CACNG8: variants seen among roughly 807,000 people sequenced by gnomAD.
CACNG8 encodes calcium voltage-gated channel auxiliary subunit gamma 8.
In CACNG8, 5 loss-of-function variants were observed where a neutral mutation model predicts 26.9. That is an observed-to-expected ratio of 0.19 (90% confidence interval 0.10 to 0.39). The LOEUF is 0.39. CACNG8 is among the 10% of genes least tolerant of loss of function. The pLI is 1.00. For synonymous variants in CACNG8, 321 were observed against 296.7 expected (o/e 1.08, Z -0.84); for missense variants, 473 against 609.4 (o/e 0.78, Z 2.36).
At chr19:53,980,060 G>GTA in intron 3 of CACNG8, 53 bp downstream of exon 3, 1 of 598,694 alleles carries the variant, frequency 1.7e-6, no homozygotes, top group Non-Finnish European at 2.3e-6. Context: ...GCGCGCACGT[G>GTA]TGTGTGTGTG....
At chr19:53,973,358 C>T (rs904182363) in intron 1 of CACNG8, among the ~76,000 whole-genome samples, 3 of 151,936 alleles carry the variant, frequency 2.0e-5, no homozygotes, top group African/African-American at 7.3e-5. Flanking sequence ...CCCATCTCTA[C>T]TTAACATACA....
In CACNG8 at chr19:53,982,186, C is replaced by T. The variant is rs200934814; in HGVS notation, c.615C>T (p.Ser205=). ...AAAACCACTACTCGTACGGCTGGTCCTTCTACTTCGGCGGGCTGTCGTTCA... is the reference window on the plus strand; with the variant it reads ...AAAACCACTACTCGTACGGCTGGTCTTTCTACTTCGGCGGGCTGTCGTTCA... The change falls in exon 4 of 4, where the codon TCC becomes TCT. Residue 205 remains serine, a synonymous_variant. Coordinates refer to ENST00000270458, the MANE Select transcript of CACNG8 (RefSeq NM_031895.6). This position sits in a 1 kb window ranked among gnomAD's most constrained non-coding sequence, Gnocchi z 8.4. 3.9e-5 allele frequency: 63 copies of T among 1,613,308 alleles called. No individual in the cohort carries two copies. The highest frequency in any genetic ancestry group is 2.7e-4 in the Admixed American group (16 of 59,964).
chr19:53,982,128 GCGAGCCGGGCCCGAAGCGGGA>G lies in CACNG8; in HGVS notation c.562_582del (p.Pro188_Glu194del). On this transcript the variant is annotated inframe_deletion, in exon 4 of 4. Coordinates refer to ENST00000270458, the MANE Select transcript of CACNG8 (RefSeq NM_031895.6). The surrounding 1 kb of genome is among the most constrained non-coding windows in gnomAD (Gnocchi z 8.4). ...ATCGTGTACATCTCCGCCAACGCGG[GCGAGCCGGGCCCGAAGCGGGA>G]CGAGGAGAAGAAAAACCACTACTCG... 1 of 1,609,444 alleles carries G rather than the reference GCGAGCCGGGCCCGAAGCGGGA, an allele frequency of 6.2e-7. No homozygotes were observed. The highest frequency in any genetic ancestry group is 2.2e-5 in the East Asian group (1 of 44,626).
chr19:53,981,018 C>T (rs189068801), intron 3 of CACNG8, among the ~76,000 whole-genome samples: 1 of 151,882 alleles, frequency 6.6e-6, no homozygotes, highest in African/African-American at 2.4e-5. Flanking sequence ...CCGGCAAGGA[C>T]CCTGGCCAAG....
chr19:53,964,329 C>A (rs888404803), intron 1 of CACNG8, among the ~76,000 whole-genome samples: 1 of 151,750 alleles, frequency 6.6e-6, no homozygotes, highest in African/African-American at 2.4e-5. Flanking sequence ...TGCCTTAACT[C>A]GCCCTCACTC....
Position 53,985,077 on chromosome 19 carries a change from G to C in CACNG8, c.*2228G>C, listed in dbSNP as rs2069398862. ...TGCGGTGATTGGAGGGGATGGGTTTGAAGTTCACTGAGAAGGCAGAGGGGA... is the reference window on the plus strand; with the variant it reads ...TGCGGTGATTGGAGGGGATGGGTTTCAAGTTCACTGAGAAGGCAGAGGGGA... On this transcript the variant is annotated 3_prime_UTR_variant, in exon 4 of 4. Transcript: ENST00000270458. The C allele has an allele frequency of 6.6e-6, 1 of 152,404 alleles. No individual in the cohort carries two copies. Among genetic ancestry groups the C allele is most frequent in the Non-Finnish European group, 1.5e-5 (1 of 68,148 alleles). 9.4% of individuals were successfully genotyped at this position (152,404 alleles called of 1,614,324 possible).
At chr19:53,967,575 C>A (rs2069278604) in intron 1 of CACNG8, among the ~76,000 whole-genome samples, 2 of 152,222 alleles carry the variant, frequency 1.3e-5, no homozygotes, top group African/African-American at 2.4e-5. Flanking sequence ...TGGCTCACAC[C>A]TGTAATCCCA....
Position 53,982,956 on chromosome 19 carries a change from T to G in CACNG8, c.*107T>G. The G allele has an allele frequency of 7.5e-6, 5 of 669,820 alleles. No homozygotes were observed. Among genetic ancestry groups the G allele is most frequent in the Non-Finnish European group, 5.9e-6 (3 of 505,958 alleles). The allele number at this position is 669,820 out of a possible 1,614,324, so 41.5% of individuals were successfully genotyped here. On this transcript the variant is annotated 3_prime_UTR_variant, in exon 4 of 4. Coordinates refer to ENST00000270458, the MANE Select transcript of CACNG8 (RefSeq NM_031895.6). This position sits in a 1 kb window ranked among gnomAD's most constrained non-coding sequence, Gnocchi z 8.4. ...CCCCCGCTTTCCCCCGTGAGCGCGC[T>G]GGAGACTGCTGGGCCCGCCCCACGC...
rs1205560840 is a variant in CACNG8, at chr19:53,989,568, G to T, written c.*6719G>T. ...GGCCCTGCAATCTCAGGCCACTTCT[G>T]TCCCATCTCTGCCTTCAGAGGGGGG... On this transcript the variant is annotated 3_prime_UTR_variant, in exon 4 of 4. Transcript: ENST00000270458. 6.6e-6 allele frequency: 1 copy of T among 152,268 alleles called. No homozygotes were observed. Among genetic ancestry groups the T allele is most frequent in the Non-Finnish European group, 1.5e-5 (1 of 68,040 alleles). 9.4% of individuals were successfully genotyped at this position (152,268 alleles called of 1,614,324 possible). A position where few individuals can be genotyped will look rare whatever the true frequency, so the allele number is the denominator to read the frequency against.
In CACNG8 at chr19:53,990,063, C is replaced by CTA. The variant is rs952558172; in HGVS notation, c.*7214_*7215insTA. 2.0e-5 allele frequency: 3 copies of CTA among 152,738 alleles called. No individual in the cohort carries two copies. The highest frequency in any genetic ancestry group is 7.2e-5 in the African/African-American group (3 of 41,462). 9.5% of individuals were successfully genotyped at this position (152,738 alleles called of 1,614,324 possible). On this transcript the variant is annotated 3_prime_UTR_variant, in exon 4 of 4. Transcript: ENST00000270458. Reference sequence around the variant, plus strand: ...GAAAGGTGGGTCCCACCTGGGCCGTCCACAGAAGGGCTGAGGGGTAGGGGG... The same window carrying CTA: ...GAAAGGTGGGTCCCACCTGGGCCGTCTACACAGAAGGGCTGAGGGGTAGGGGG...
In CACNG8 at chr19:53,987,069, CTTAT is replaced by C. The variant is rs1474173057; in HGVS notation, c.*4225_*4228del. ...CATGCCATGATCATATTTTTATTTT[CTTAT>C]TTATATTTATTTTGAAAAAGAGTCT... On this transcript the variant is annotated 3_prime_UTR_variant, in exon 4 of 4. Coordinates refer to ENST00000270458, the MANE Select transcript of CACNG8 (RefSeq NM_031895.6). The C allele has an allele frequency of 6.6e-6, 1 of 152,064 alleles. No individual in the cohort carries two copies. Among genetic ancestry groups the C allele is most frequent in the Non-Finnish European group, 1.5e-5 (1 of 68,004 alleles). 9.4% of individuals were successfully genotyped at this position (152,064 alleles called of 1,614,324 possible). A position where few individuals can be genotyped will look rare whatever the true frequency, so the allele number is the denominator to read the frequency against.
chr19:53,974,071 G>A (rs181992355), intron 1 of CACNG8, among the ~76,000 whole-genome samples: 57 of 152,048 alleles, frequency 3.7e-4, no homozygotes, highest in African/African-American at 1.3e-3. Flanking sequence ...AACTCTTTTC[G>A]TCTTGCAAAA....
At chr19:53,964,377 T>G (rs2069260868) in intron 1 of CACNG8, among the ~76,000 whole-genome samples, 1 of 152,078 alleles carries the variant, frequency 6.6e-6, no homozygotes, top group South Asian at 2.1e-4. Context: ...CTTCTCCTCC[T>G]GTTCATCTTT....
rs2069353942 is a variant in CACNG8 at position 53,979,909 on chromosome 19, T to C, written c.410T>C (p.Ile137Thr). 6.2e-7 allele frequency: 1 copy of C among 1,610,704 alleles called. No homozygotes were observed. The highest frequency in any genetic ancestry group is 8.5e-7 in the Non-Finnish European group (1 of 1,178,274). Residue 137 changes from isoleucine (I) to threonine (T), a missense_variant, in exon 3 of 4, where the codon ATC (isoleucine) becomes ACC (threonine). By Grantham distance (89) the Ile-to-Thr change is moderately conservative. This residue lies in a region of CACNG8 where 155 missense variants were observed against 253.0 expected (regional missense o/e 0.61). Coordinates refer to ENST00000270458, the MANE Select transcript of CACNG8 (RefSeq NM_031895.6). Reference sequence around the variant, plus strand: ...AGCATCTTCCCCATCCTTAGCGCCATCCTGCTGCTGCTCGGGGGTGTGTGC... The same window carrying C: ...AGCATCTTCCCCATCCTTAGCGCCACCCTGCTGCTGCTCGGGGGTGTGTGC...
chr19:53,980,773 C>T (rs1339525414), intron 3 of CACNG8, among the ~76,000 whole-genome samples: 1 of 152,184 alleles, frequency 6.6e-6, no homozygotes, highest in African/African-American at 2.4e-5. Context: ...AGGACTGGAA[C>T]ACTTAAGAGG....
chr19:53,974,508 T>C (rs533494394), intron 1 of CACNG8, among the ~76,000 whole-genome samples: 1 of 152,326 alleles, frequency 6.6e-6, no homozygotes, highest in Admixed American at 6.5e-5. Context: ...ATGATTCTAT[T>C]TGTAGTTTTT....
chr19:53,964,021 A>C (rs1414339144), intron 1 of CACNG8, among the ~76,000 whole-genome samples: 1 of 151,652 alleles, frequency 6.6e-6, no homozygotes, highest in Non-Finnish European at 1.5e-5. Context: ...GCTGGTCTCG[A>C]GCTCCTGAGC....
intron 2 of CACNG8, 54 bp downstream of exon 2, chr19:53,978,283 A>G: frequency 1.4e-6 from 2 of 1,469,828 alleles, no homozygotes; most frequent in East Asian, 4.6e-5. Context: ...CGGGGCCTGG[A>G]AGGCGTCGGG....
chr19:53,990,127 G>A lies in CACNG8; in HGVS notation c.*7278G>A, dbSNP rs1483483663. 2 of 152,660 alleles carry A rather than the reference G, an allele frequency of 1.3e-5. No individual in the cohort carries two copies. The highest frequency in any genetic ancestry group is 2.4e-5 in the African/African-American group (1 of 41,412). 9.5% of individuals were successfully genotyped at this position (152,660 alleles called of 1,614,324 possible). ...ATCAGGCCCTGCCGCCATGCCACACGGCTGTCCTCTGTCCCTGCTCCTGGG... is the reference window on the plus strand; with the variant it reads ...ATCAGGCCCTGCCGCCATGCCACACAGCTGTCCTCTGTCCCTGCTCCTGGG... On this transcript the variant is annotated 3_prime_UTR_variant, in exon 4 of 4. Coordinates refer to ENST00000270458, the MANE Select transcript of CACNG8 (RefSeq NM_031895.6).
Sources: gnomAD v4.1 joint callset for allele counts (sites outside exome capture counted in the v4.1 genomes callset) on GRCh38, gnomAD v4.1.1 for gene constraint, gnomAD v4.1.1 regional missense constraint, Gnocchi (gnomAD v3.1) non-coding constraint, MANE v1.5 for transcripts, NCBI Gene and HGNC (gene_info 2026-07-23, HGNC 2026-07-21) for gene names.